The following MAP2 variants were observed in gnomAD, a reference collection of about 807,000 sequenced individuals.
MAP2 encodes the protein microtubule-associated protein 2.
Under a neutral mutation model 137.6 loss-of-function variants are expected in MAP2, and 14 were observed. That is an observed-to-expected ratio of 0.10 (90% confidence interval 0.07 to 0.16). MAP2 has a LOEUF of 0.16. MAP2 is among the 10% of genes least tolerant of loss of function. The probability of loss-of-function intolerance (pLI) is 1.00; values close to 1 mark genes in which losing one functional copy is unlikely to be tolerated. For missense variants in MAP2, 2,088 were observed against 2,191.5 expected (o/e 0.95, Z 0.94); for synonymous variants, 786 against 782.3 (o/e 1.00, Z -0.08).
rs778177834 is a variant in MAP2 at position 209,694,386 on chromosome 2, T to C, written c.2216T>C (p.Met739Thr). ...ATTCTAACCAACACTAGTGGAAGTA[T>C]GGATGAAGGGGATGATTACCTTCCA... Reference protein sequence around the residue: ...SDILTNTSGSMDEGDDYLPAT... With the variant: ...SDILTNTSGSTDEGDDYLPAT... The change falls in exon 8 of 16, where the codon ATG (methionine) becomes ACG (threonine). Residue 739 changes from methionine (M) to threonine (T), a missense_variant. Physicochemically the swap from Met to Thr is moderately conservative, Grantham distance 81. Transcript: ENST00000682079. 1.2e-6 allele frequency: 2 copies of C among 1,614,008 alleles called. No individual in the cohort carries two copies. The highest frequency in any genetic ancestry group is 1.3e-5 in the African/African-American group (1 of 74,928).
intron 4 of MAP2, among the ~76,000 whole-genome samples, chr2:209,652,442 TATCAAAAAA>T (rs1253250551): frequency 6.6e-6 from 1 of 152,204 alleles, no homozygotes; most frequent in East Asian, 1.9e-4. Context: ...CAGGAAAGTT[TATCAAAAAA>T]ATTAAGTTAA....
intron 2 of MAP2, among the ~76,000 whole-genome samples, chr2:209,556,602 A>C (rs2070724954): frequency 6.6e-6 from 1 of 151,652 alleles, no homozygotes. Context: ...CCAGATTTCA[A>C]CCTGAAACAC....
At chr2:209,487,343 T>C (rs2058516629) in intron 1 of MAP2, among the ~76,000 whole-genome samples, 2 of 152,192 alleles carry the variant, frequency 1.3e-5, no homozygotes, top group South Asian at 4.1e-4. Flanking sequence ...TGCTTTATTG[T>C]CAAGGATTGC....
intron 1 of MAP2, among the ~76,000 whole-genome samples, chr2:209,427,049 A>G (rs898477572): frequency 6.6e-6 from 1 of 152,210 alleles, no homozygotes; most frequent in East Asian, 1.9e-4. Flanking sequence ...TCATTATTAC[A>G]TTTGCTTATA....
intron 7 of MAP2, 64 bp downstream of exon 7, chr2:209,680,891 A>C: frequency 7.2e-7 from 1 of 1,389,858 alleles, no homozygotes. Flanking sequence ...AACTTCAATC[A>C]ATAAGCTCTG....
At chr2:209,534,781 G>T (rs1487971727) in intron 2 of MAP2, among the ~76,000 whole-genome samples, 1 of 152,114 alleles carries the variant, frequency 6.6e-6, no homozygotes, top group African/African-American at 2.4e-5. Context: ...TGAAATAGCA[G>T]GAGTTTTAAA....
intron 1 of MAP2, among the ~76,000 whole-genome samples, chr2:209,479,139 ACATGGAGTATTTTCTAC>A (rs879916461): frequency 6.6e-6 from 1 of 152,184 alleles, no homozygotes; most frequent in Non-Finnish European, 1.5e-5. Flanking sequence ...ACTTCAGTAA[ACATGGAGTATTTTCTAC>A]CATGGAAAAT....
At chr2:209,651,193 G>T (rs1022635933) in intron 4 of MAP2, among the ~76,000 whole-genome samples, 1 of 152,126 alleles carries the variant, frequency 6.6e-6, no homozygotes, top group Non-Finnish European at 1.5e-5. Flanking sequence ...GAACACTGCA[G>T]AATGGTTTTT....
Position 209,696,797 on chromosome 2 carries a change from A to T in MAP2, c.4387+49A>T. ...AAAAATGTTTTTGAAGTAATTCATT[A>T]TTACTTTTTTGCAGAACTGCCTAAC... On this transcript the variant is annotated intron_variant, in intron 9 of 15. Coordinates refer to ENST00000682079, the MANE Select transcript of MAP2 (RefSeq NM_001375505.1). 2.5e-6 allele frequency: 4 copies of T among 1,570,888 alleles called. No individual in the cohort carries two copies. In the South Asian group the frequency reaches 4.7e-5, roughly 19 times the overall value.
intron 1 of MAP2, among the ~76,000 whole-genome samples, chr2:209,491,393 A>C (rs1205475276): frequency 6.6e-6 from 1 of 152,196 alleles, no homozygotes; most frequent in Non-Finnish European, 1.5e-5. Flanking sequence ...AGAACTAGAG[A>C]AGCAAGAGCA....
chr2:209,426,012 C>T (rs10200389), intron 1 of MAP2, among the ~76,000 whole-genome samples: 85,340 of 151,464 alleles, frequency 0.56, 25,849 homozygotes, highest in African/African-American at 0.79. Flanking sequence ...AGGCATTTTT[C>T]TCATTCAGTA....
At chr2:209,730,016 A>G (rs2075506573) in intron 15 of MAP2, 54 bp downstream of exon 15, 1 of 1,343,732 alleles carries the variant, frequency 7.4e-7, no homozygotes, top group South Asian at 1.2e-5. Context: ...ATTCTTCTGA[A>G]ATACTCTTCA....
chr2:209,649,018 G>A (rs956501917), intron 4 of MAP2, among the ~76,000 whole-genome samples: 3 of 151,962 alleles, frequency 2.0e-5, no homozygotes, highest in Non-Finnish European at 2.9e-5. Context: ...ATTTGTCTTT[G>A]TCTTCACTTT....
chr2:209,467,357 A>T (rs1196255307), intron 1 of MAP2, among the ~76,000 whole-genome samples: 1 of 152,134 alleles, frequency 6.6e-6, no homozygotes, highest in Non-Finnish European at 1.5e-5. Context: ...CTCCTGATTA[A>T]TCATTTCTAA....
In MAP2 at chr2:209,627,266, T is replaced by C. The variant is rs182208831; in HGVS notation, c.-30+2137T>C. 2.0e-5 allele frequency among the ~76,000 whole-genome samples: 3 copies of C among 152,304 alleles called. No homozygotes were observed. The East Asian group carries it at 5.8e-4, about 29-fold the overall frequency. On this transcript the variant is annotated intron_variant, in intron 4 of 15. Transcript: ENST00000682079. Reference sequence around the variant, plus strand: ...AGAAATTTTTTTTCAAAATGTTTTCTAACACTATAGCTAATTTTAGAATTT... The same window carrying C: ...AGAAATTTTTTTTCAAAATGTTTTCCAACACTATAGCTAATTTTAGAATTT...
chr2:209,464,961 G>A (rs958464586), intron 1 of MAP2, among the ~76,000 whole-genome samples: 1 of 151,982 alleles, frequency 6.6e-6, no homozygotes, highest in Non-Finnish European at 1.5e-5. Context: ...AATATATACT[G>A]TTCTGTATCT....
intron 4 of MAP2, among the ~76,000 whole-genome samples, chr2:209,628,680 A>C (rs1242892065): frequency 6.6e-6 from 1 of 152,164 alleles, no homozygotes; most frequent in Non-Finnish European, 1.5e-5. Context: ...ATAGTCAAAA[A>C]TAAAGCCCAC....
At chr2:209,508,031 A>G (rs921675233) in intron 2 of MAP2, among the ~76,000 whole-genome samples, 6 of 152,122 alleles carry the variant, frequency 3.9e-5, no homozygotes, top group African/African-American at 1.4e-4. Flanking sequence ...CCACAATTAT[A>G]TACTCATAGA....
At chr2:209,508,269 T>C (rs926110277) in intron 2 of MAP2, among the ~76,000 whole-genome samples, 2 of 150,868 alleles carry the variant, frequency 1.3e-5, no homozygotes, top group Non-Finnish European at 3.0e-5. Flanking sequence ...TTTCAACATG[T>C]ATTCAGATTG....
Sources: gnomAD v4.1 joint callset for allele counts (sites outside exome capture counted in the v4.1 genomes callset) on GRCh38, gnomAD v4.1.1 for gene constraint, MANE v1.5 for transcripts, NCBI Gene and HGNC (gene_info 2026-07-23, HGNC 2026-07-21) for gene names.